Variants in BMPER observed in about 807,000 individuals in gnomAD.
The protein encoded by BMPER is BMP binding endothelial regulator.
A neutral mutation model predicts 87.3 loss-of-function variants in BMPER; 45 were observed. The observed-to-expected ratio is 0.52, with a 90% CI of 0.41 to 0.66. The LOEUF is 0.66. Among genes scored for constraint, BMPER ranks in the 30% least tolerant of loss-of-function variants. The pLI, the probability that BMPER is intolerant of heterozygous loss-of-function variation, is 0.00. For synonymous variants in BMPER, 326 were observed against 316.2 expected, an observed-to-expected ratio of 1.03 and a Z score of -0.33; for missense variants, 784 against 867.5, an observed-to-expected ratio of 0.90 and a Z score of 1.21.
At chr7:34,107,736 A>G (rs896140411) in intron 13 of BMPER, among the ~76,000 whole-genome samples, 1 of 152,108 alleles carries the variant, frequency 6.6e-6, no homozygotes, top group Non-Finnish European at 1.5e-5. Context: ...CTTATCTGGT[A>G]GAGGCTGTGT....
Position 34,153,142 on chromosome 7 carries a change from A to T in BMPER, c.1927A>T (p.Ile643Phe), listed in dbSNP as rs528093648. The change falls in exon 15 of 15, where the codon ATC (isoleucine) becomes TTC (phenylalanine). Residue 643 changes from isoleucine (I) to phenylalanine (F), a missense_variant. Physicochemically the swap from Ile to Phe is conservative, Grantham distance 21. Coordinates refer to ENST00000649409, the MANE Select transcript of BMPER (RefSeq NM_001365308.1). ...GTACGATACCTGTGGTCCGGGATGT[A>T]TCAAGACGTGTGACAACTGGAATGA... ...AVYDTCGPGC[I>F]KTCDNWNEIG... The T allele has an allele frequency of 4.3e-6, 7 of 1,614,042 alleles. No homozygotes were observed. Among genetic ancestry groups the T allele is most frequent in the Non-Finnish European group, 5.9e-6 (7 of 1,179,960 alleles).
intron 3 of BMPER, among the ~76,000 whole-genome samples, chr7:33,942,007 CAT>C: frequency 6.6e-6 from 1 of 152,218 alleles, no homozygotes; most frequent in South Asian, 2.1e-4. Context: ...GTGTACCTAA[CAT>C]AGTGCAGTGG....
At chr7:33,974,634 A>G (rs1585694670) in intron 5 of BMPER, 68 bp from the exon 6 acceptor site, 1 of 1,469,096 alleles carries the variant, frequency 6.8e-7, no homozygotes, top group East Asian at 2.3e-5. Flanking sequence ...AACTGTGGAT[A>G]GAAGGATTGT....
At chr7:34,031,364 A>G (rs546582460) in intron 6 of BMPER, among the ~76,000 whole-genome samples, 1 of 152,222 alleles carries the variant, frequency 6.6e-6, no homozygotes, top group East Asian at 1.9e-4. Context: ...TAGGAAAACA[A>G]AGACTTGCAA....
intron 11 of BMPER, among the ~76,000 whole-genome samples, chr7:34,065,073 T>C (rs1788540284): frequency 6.6e-6 from 1 of 152,088 alleles, no homozygotes; most frequent in African/African-American, 2.4e-5. Flanking sequence ...ATTTCTAGAG[T>C]AGAGAAAGCA....
chr7:33,955,618 A>G (rs546908222), intron 3 of BMPER, among the ~76,000 whole-genome samples: 3 of 152,344 alleles, frequency 2.0e-5, no homozygotes, highest in African/African-American at 7.2e-5. Context: ...GAGGCTTCTC[A>G]ATGAGGCATA....
chr7:34,140,416 T>C (rs77825596), intron 13 of BMPER, among the ~76,000 whole-genome samples: 3,154 of 147,614 alleles, frequency 0.021, 111 homozygotes, highest in African/African-American at 0.072. Flanking sequence ...TTCAAGCCTA[T>C]AAAAATACAT....
intron 13 of BMPER, among the ~76,000 whole-genome samples, chr7:34,123,567 G>A (rs1445493199): frequency 6.6e-6 from 1 of 152,192 alleles, no homozygotes; most frequent in Non-Finnish European, 1.5e-5. Flanking sequence ...TCAGGAGTGA[G>A]AACCAGCAGT....
At chr7:33,928,103 C>G (rs1352584811) in intron 2 of BMPER, among the ~76,000 whole-genome samples, 2 of 152,114 alleles carry the variant, frequency 1.3e-5, no homozygotes, top group East Asian at 3.9e-4. Flanking sequence ...GTGTTCTCTG[C>G]CGCACCGACC....
At chr7:33,967,013 G>T (rs924666927) in intron 4 of BMPER, among the ~76,000 whole-genome samples, 1 of 152,090 alleles carries the variant, frequency 6.6e-6, no homozygotes, top group East Asian at 1.9e-4. Context: ...ACTGTAACTC[G>T]ATGATTTCAA....
At chr7:33,931,790 T>C (rs957598637) in intron 2 of BMPER, among the ~76,000 whole-genome samples, 16 of 152,316 alleles carry the variant, frequency 1.1e-4, no homozygotes, top group African/African-American at 3.8e-4. Context: ...ATCTTGAGAC[T>C]CTCCACATGG....
chr7:34,086,890 C>G (rs1337785931), intron 13 of BMPER, among the ~76,000 whole-genome samples: 2 of 152,148 alleles, frequency 1.3e-5, no homozygotes, highest in Non-Finnish European at 2.9e-5. Flanking sequence ...ATAACTTTAA[C>G]CACTGTGGGT....
At chr7:34,014,868 T>A (rs1248508045) in intron 6 of BMPER, among the ~76,000 whole-genome samples, 1 of 151,962 alleles carries the variant, frequency 6.6e-6, no homozygotes. Flanking sequence ...TCACTAATTT[T>A]AACTTACTGG....
At chr7:33,930,182 G>A (rs777141486) in intron 2 of BMPER, among the ~76,000 whole-genome samples, 8 of 152,148 alleles carry the variant, frequency 5.3e-5, no homozygotes, top group Non-Finnish European at 8.8e-5. Flanking sequence ...CTTAGAAATG[G>A]TTTTCTTCAT....
At chr7:33,993,672 TC>T (rs1432012460) in intron 6 of BMPER, among the ~76,000 whole-genome samples, 1 of 152,132 alleles carries the variant, frequency 6.6e-6, no homozygotes, top group Non-Finnish European at 1.5e-5. Flanking sequence ...GGAGCTGCGT[TC>T]CTTTGGAGGA....
At chr7:34,002,704 G>A (rs1189275916) in intron 6 of BMPER, among the ~76,000 whole-genome samples, 1 of 151,656 alleles carries the variant, frequency 6.6e-6, no homozygotes, top group Non-Finnish European at 1.5e-5. Flanking sequence ...TCTTTTAAGT[G>A]CATATATGTT....
chr7:33,925,964 G>T (rs1784348356), intron 2 of BMPER, among the ~76,000 whole-genome samples: 1 of 152,204 alleles, frequency 6.6e-6, no homozygotes, highest in African/African-American at 2.4e-5. Flanking sequence ...AGTGGAATTT[G>T]GTCAAAACTG....
chr7:34,053,803 C>T (rs1294551585), intron 8 of BMPER, among the ~76,000 whole-genome samples: 1 of 152,072 alleles, frequency 6.6e-6, no homozygotes, highest in African/African-American at 2.4e-5. Flanking sequence ...GGCAGGCACA[C>T]TTGATGTAAC....
At chr7:33,983,504 C>CA (rs1282876231) in intron 6 of BMPER, among the ~76,000 whole-genome samples, 1 of 152,118 alleles carries the variant, frequency 6.6e-6, no homozygotes, top group East Asian at 1.9e-4. Flanking sequence ...TACCCTGTGC[C>CA]AGGTACATAT....
Sources: allele counts gnomAD v4.1 joint callset (sites outside exome capture counted in the v4.1 genomes callset), GRCh38; gene constraint gnomAD v4.1.1; transcripts MANE v1.5; gene names NCBI Gene and HGNC (gene_info 2026-07-23, HGNC 2026-07-21).